CC2D2B: variants seen among roughly 807,000 people sequenced by gnomAD.
CC2D2B encodes coiled-coil and C2 domain containing 2B.
A neutral mutation model predicts 161.2 loss-of-function variants in CC2D2B; 128 were observed. The observed-to-expected ratio is 0.79, with a 90% CI of 0.69 to 0.92. The LOEUF is 0.92. CC2D2B is among the 40% of genes least tolerant of loss of function. The probability of loss-of-function intolerance (pLI) is 0.00; values close to 1 mark genes in which losing one functional copy is unlikely to be tolerated. For missense variants in CC2D2B, 1,173 were observed against 1,375.1 expected (o/e 0.85, Z 2.32); for synonymous variants, 391 against 449.8 (o/e 0.87, Z 1.65).
At chr10:95,963,161 G>T (rs2141431631) in intron 12 of CC2D2B, among the ~76,000 whole-genome samples, 1 of 152,254 alleles carries the variant, frequency 6.6e-6, no homozygotes, top group Non-Finnish European at 1.5e-5. Context: ...CCCCAGCTGG[G>T]GTAGCCCCAG....
At chr10:96,004,445 C>T (rs2078661021) in intron 25 of CC2D2B, among the ~76,000 whole-genome samples, 197 bp downstream of exon 25, 1 of 152,146 alleles carries the variant, frequency 6.6e-6, no homozygotes. Flanking sequence ...TCATAAACCA[C>T]ATACAGGAGG....
chr10:95,934,766 A>C (rs913504848), intron 6 of CC2D2B, among the ~76,000 whole-genome samples: 9 of 152,142 alleles, frequency 5.9e-5, no homozygotes, highest in Non-Finnish European at 8.8e-5. Flanking sequence ...CTCAGTTGGA[A>C]ATGTAGACAT....
At chr10:95,972,312 TA>T (rs1383487738) in intron 16 of CC2D2B, 96 bp downstream of exon 16, 2 of 765,306 alleles carry the variant, frequency 2.6e-6, no homozygotes, top group Non-Finnish European at 3.5e-6. Context: ...CAAAATCCTG[TA>T]TTTACAATAT....
intron 5 of CC2D2B, among the ~76,000 whole-genome samples, chr10:95,925,796 A>T (rs189305329): frequency 8.5e-5 from 13 of 152,320 alleles, no homozygotes; most frequent in African/African-American, 2.9e-4. Flanking sequence ...ATTTGCTAGC[A>T]AAAGGGAAGT....
chr10:95,914,831 T>A lies in CC2D2B; in HGVS notation c.36+3472T>A, dbSNP rs189295615. ...TCATAACAGCGTGAGAATGGACTAATAGAGTCAGGTAATGTGATTTCTCGA... is the reference window on the plus strand; with the variant it reads ...TCATAACAGCGTGAGAATGGACTAAAAGAGTCAGGTAATGTGATTTCTCGA... On this transcript the variant is annotated intron_variant, in intron 2 of 34. Transcript: ENST00000646931. Among the ~76,000 whole-genome samples, 1,197 of 152,320 alleles carry A rather than the reference T, an allele frequency of 7.9e-3. 13 individuals are homozygous for A. The highest frequency in any genetic ancestry group is 8.8e-3 in the Non-Finnish European group (597 of 68,030).
Position 96,016,160 on chromosome 10 carries a change from A to G in CC2D2B, c.3517-41A>G, listed in dbSNP as rs944413833. On this transcript the variant is annotated intron_variant, in intron 29 of 34. Transcript: ENST00000646931. ...TGCTTGCGTTACTCAACTTTCCCGC[A>G]CTTTTCTTTTTTTGTTCCTATTGCT... 61 of 1,373,786 alleles carry G rather than the reference A, an allele frequency of 4.4e-5. No individual in the cohort carries two copies. The Admixed American group carries it at 1.0e-3, about 23-fold the overall frequency. 85.1% of individuals were successfully genotyped at this position (1,373,786 alleles called of 1,614,324 possible). A position where few individuals can be genotyped will look rare whatever the true frequency, so the allele number is the denominator to read the frequency against.
chr10:95,993,427 A>G (rs1400951886), intron 22 of CC2D2B, among the ~76,000 whole-genome samples: 1 of 152,146 alleles, frequency 6.6e-6, no homozygotes, highest in African/African-American at 2.4e-5. Context: ...TCTGTGTTCA[A>G]TACATGTGCC....
intron 2 of CC2D2B, among the ~76,000 whole-genome samples, chr10:95,917,698 C>G (rs1403558725): frequency 1.3e-5 from 2 of 152,152 alleles, no homozygotes; most frequent in Non-Finnish European, 1.5e-5. Flanking sequence ...TACCCTTTAA[C>G]TTTATCCCCC....
At chr10:96,019,845 G>A in intron 32 of CC2D2B, 21 bp downstream of exon 32, 1 of 1,593,026 alleles carries the variant, frequency 6.3e-7, no homozygotes, top group Non-Finnish European at 8.5e-7. Flanking sequence ...TTTTCCCAGG[G>A]GTGTCTGTAT....
intron 32 of CC2D2B, chr10:96,021,334 T>A (rs1336518911): frequency 6.6e-6 from 1 of 152,234 alleles, no homozygotes; most frequent in Non-Finnish European, 1.5e-5. Flanking sequence ...TTTGAAACAG[T>A]TCATCAACTA....
chr10:96,019,364 G>A (rs746465951), intron 31 of CC2D2B, 27 bp downstream of exon 31: 2 of 1,591,854 alleles, frequency 1.3e-6, no homozygotes, highest in South Asian at 2.3e-5. Flanking sequence ...AAAAAATCTT[G>A]AGTTATCTCC....
intron 29 of CC2D2B, 150 bp downstream of exon 29, chr10:96,014,027 A>T: frequency 2.8e-6 from 1 of 357,118 alleles, no homozygotes; most frequent in Non-Finnish European, 4.9e-6. Flanking sequence ...GTTCCATAAC[A>T]ATCTATGGAA....
At chr10:95,913,421 C>A in intron 2 of CC2D2B, 1 of 418,828 alleles carries the variant, frequency 2.4e-6, no homozygotes, top group South Asian at 1.8e-5. Flanking sequence ...AGTGCTGCAA[C>A]AAACATGGGA....
At chr10:95,915,932 G>A (rs1186478852) in intron 2 of CC2D2B, among the ~76,000 whole-genome samples, 1 of 152,090 alleles carries the variant, frequency 6.6e-6, no homozygotes, top group Non-Finnish European at 1.5e-5. Flanking sequence ...GACTTTGGAA[G>A]TATTCCCTTG....
intron 22 of CC2D2B, chr10:95,993,221 T>G (rs2078023363): frequency 6.5e-6 from 1 of 154,896 alleles, no homozygotes; most frequent in Non-Finnish European, 1.5e-5. Flanking sequence ...ATTTGTGTTT[T>G]GGGGGCAGAG....
At position 95,963,182 on chromosome 10, in the gene CC2D2B, T is replaced by C. The variant is rs562513497; in HGVS notation, c.1250+1213T>C. 3.9e-5 allele frequency among the ~76,000 whole-genome samples: 6 copies of C among 152,262 alleles called. No homozygotes were observed. In the South Asian group the frequency reaches 1.2e-3, roughly 32 times the overall value. ...CTGGGGTAGCCCCAGTGACCCTAAA[T>C]TGGGGCATTTAGTTTAAGCAGTTAA... On this transcript the variant is annotated intron_variant, in intron 12 of 34. Coordinates refer to ENST00000646931, the MANE Select transcript of CC2D2B (RefSeq NM_001349008.3).
intron 15 of CC2D2B, among the ~76,000 whole-genome samples, chr10:95,971,664 A>C (rs1156892401): frequency 6.6e-6 from 1 of 152,176 alleles, no homozygotes; most frequent in Non-Finnish European, 1.5e-5. Flanking sequence ...TTATAATAAA[A>C]ACAAACATAT....
intron 9 of CC2D2B, among the ~76,000 whole-genome samples, chr10:95,944,625 A>T (rs1256097922): frequency 1.3e-5 from 2 of 152,222 alleles, no homozygotes; most frequent in Non-Finnish European, 2.9e-5. Context: ...TAAATGAACA[A>T]ATGCATCATA....
At chr10:95,958,159 T>C (rs1590599127) in intron 11 of CC2D2B, among the ~76,000 whole-genome samples, 1 of 150,446 alleles carries the variant, frequency 6.6e-6, no homozygotes, top group Non-Finnish European at 1.5e-5. Context: ...TAAAGAAAGA[T>C]GTCAAGAAAG....
Sources: gnomAD v4.1 joint callset for allele counts (sites outside exome capture counted in the v4.1 genomes callset) on GRCh38, gnomAD v4.1.1 for gene constraint, MANE v1.5 for transcripts, NCBI Gene and HGNC (gene_info 2026-07-23, HGNC 2026-07-21) for gene names.